ATP8A1: variants seen among roughly 807,000 people sequenced by gnomAD.
The protein encoded by ATP8A1 is phospholipid-transporting ATPase IA.
ATP8A1 carries 90 observed loss-of-function variants against 177.7 expected under a neutral mutation model. That is an observed-to-expected ratio of 0.51 (90% CI 0.43 to 0.60). The LOEUF is 0.60. ATP8A1 is among the 20% of genes least tolerant of loss of function. The pLI is 0.00. For synonymous variants in ATP8A1, 493 were observed against 485.9 expected, an observed-to-expected ratio of 1.01 and a Z score of -0.19; for missense variants, 1,072 against 1,392.8, an observed-to-expected ratio of 0.77 and a Z score of 3.67.
At chr4:42,539,589 T>G (rs1168901972) in intron 20 of ATP8A1, among the ~76,000 whole-genome samples, 1 of 152,080 alleles carries the variant, frequency 6.6e-6, no homozygotes, top group African/African-American at 2.4e-5. Flanking sequence ...AACATGGTAT[T>G]GGTACAAAAA....
rs368024896 is a variant in ATP8A1 at position 42,566,206 on chromosome 4, G to A, written c.1340+2955C>T. ...TATGTAATCTACATATATCTAAGAG[G>A]TAATTATGTTTTTTTAATTTGGCAT... On this transcript the variant is annotated intron_variant, in intron 15 of 36. Coordinates refer to ENST00000381668, the MANE Select transcript of ATP8A1 (RefSeq NM_006095.2). Among the ~76,000 whole-genome samples the A allele has an allele frequency of 5.1e-4, 77 of 152,242 alleles. 1 individual carries two copies. The South Asian group carries it at 0.011, about 21-fold the overall frequency.
chr4:42,654,111 C>T (rs1437567096), intron 1 of ATP8A1, among the ~76,000 whole-genome samples: 1 of 152,218 alleles, frequency 6.6e-6, no homozygotes, highest in Admixed American at 6.5e-5. Flanking sequence ...TCAGGTGATT[C>T]CTATGAACCT....
At chr4:42,507,962 A>G (rs1724622402) in intron 22 of ATP8A1, among the ~76,000 whole-genome samples, 1 of 152,062 alleles carries the variant, frequency 6.6e-6, no homozygotes, top group Admixed American at 6.6e-5. Flanking sequence ...GAAAAGAACA[A>G]CAAAGTGATA....
chr4:42,493,919 G>A (rs1214258334), intron 24 of ATP8A1, among the ~76,000 whole-genome samples: 2 of 151,246 alleles, frequency 1.3e-5, no homozygotes, highest in Non-Finnish European at 2.9e-5. Flanking sequence ...AACACGAAAC[G>A]CGCCAGGTCC....
chr4:42,502,570 G>C (rs1191443705), intron 24 of ATP8A1, among the ~76,000 whole-genome samples: 1 of 152,168 alleles, frequency 6.6e-6, no homozygotes, highest in East Asian at 1.9e-4. Flanking sequence ...GGCTTGCCCT[G>C]CTTTTGCTTC....
intron 15 of ATP8A1, among the ~76,000 whole-genome samples, chr4:42,565,458 A>G (rs1463866814): frequency 2.0e-5 from 3 of 152,214 alleles, no homozygotes; most frequent in Non-Finnish European, 4.4e-5. Context: ...GAAAATAAAT[A>G]AGACCAGAGG....
At chr4:42,614,844 C>A (rs1157667015) in intron 5 of ATP8A1, among the ~76,000 whole-genome samples, 6 of 152,188 alleles carry the variant, frequency 3.9e-5, no homozygotes, top group Admixed American at 3.9e-4. Context: ...TCAACCCACA[C>A]ATAAAAATAT....
intron 6 of ATP8A1, among the ~76,000 whole-genome samples, chr4:42,592,723 T>C (rs895987335): frequency 6.6e-6 from 1 of 152,086 alleles, no homozygotes; most frequent in African/African-American, 2.4e-5. Context: ...GTATAGTCTA[T>C]AGGCCATATG....
chr4:42,574,935 T>C (rs542737581), intron 13 of ATP8A1, among the ~76,000 whole-genome samples: 3 of 152,320 alleles, frequency 2.0e-5, no homozygotes, highest in African/African-American at 4.8e-5. Context: ...TAGAAAACTA[T>C]ATAGACATAT....
At chr4:42,616,880 C>T (rs1389639853) in intron 4 of ATP8A1, among the ~76,000 whole-genome samples, 6 of 152,172 alleles carry the variant, frequency 3.9e-5, no homozygotes, top group Admixed American at 1.3e-4. Flanking sequence ...CTCTCCGGTT[C>T]ACCTAGAGGT....
intron 6 of ATP8A1, among the ~76,000 whole-genome samples, chr4:42,599,985 T>A (rs1735082612): frequency 6.6e-6 from 1 of 152,234 alleles, no homozygotes; most frequent in Non-Finnish European, 1.5e-5. Flanking sequence ...TTAGAGGTCC[T>A]ATAAACAAAT....
chr4:42,649,907 G>C (rs749426827), intron 1 of ATP8A1, among the ~76,000 whole-genome samples: 4 of 152,112 alleles, frequency 2.6e-5, no homozygotes, highest in Non-Finnish European at 5.9e-5. Flanking sequence ...TATATCAGTG[G>C]ACAAACCAGA....
chr4:42,608,758 C>T (rs1195222820), intron 5 of ATP8A1, among the ~76,000 whole-genome samples: 1 of 152,192 alleles, frequency 6.6e-6, no homozygotes, highest in African/African-American at 2.4e-5. Context: ...ATGTAGTGTG[C>T]TCCAATTCCT....
intron 33 of ATP8A1, among the ~76,000 whole-genome samples, chr4:42,425,583 CCA>C (rs1301628523): frequency 6.6e-6 from 1 of 152,020 alleles, no homozygotes; most frequent in Non-Finnish European, 1.5e-5. Context: ...AAATAAAATC[CCA>C]CAGAGGTATT....
In ATP8A1 at chr4:42,656,854, G is replaced by A; in HGVS notation, c.20C>T (p.Thr7Ile). 6.3e-7 allele frequency: 1 copy of A among 1,586,456 alleles called. No homozygotes were observed. Among genetic ancestry groups the A allele is most frequent in the African/African-American group, 1.4e-5 (1 of 73,684 alleles). The part of the protein sequence containing the change: MPTMRR[T>I]VSEIRSRAEG... ...GGCGCGCGAGCGGATCTCCGACACG[G>A]TCCTCCGCATGGTGGGCATCGCGGC... is the stretch of plus-strand genomic sequence containing the variant. Residue 7 changes from threonine (T) to isoleucine (I), a missense_variant, in exon 1 of 37, where the codon ACC becomes ATC. Physicochemically the swap from Thr to Ile is moderately conservative, Grantham distance 89. Transcript: ENST00000381668.
intron 35 of ATP8A1, among the ~76,000 whole-genome samples, chr4:42,420,528 A>G (rs535568958): frequency 1.2e-3 from 183 of 152,282 alleles, no homozygotes; most frequent in African/African-American, 4.3e-3. Context: ...AGCTACATAT[A>G]TTACGGAATC....
intron 25 of ATP8A1, among the ~76,000 whole-genome samples, chr4:42,478,167 C>CA (rs1721280364): frequency 6.6e-6 from 1 of 152,004 alleles, no homozygotes; most frequent in South Asian, 2.1e-4. Flanking sequence ...CCAGCCTGGG[C>CA]AACATGATAA....
chr4:42,445,157 C>A (rs925228051), intron 31 of ATP8A1, among the ~76,000 whole-genome samples: 3 of 152,196 alleles, frequency 2.0e-5, no homozygotes, highest in Non-Finnish European at 4.4e-5. Flanking sequence ...ATGATATATG[C>A]ACCCATCGCT....
At chr4:42,529,929 GCATGA>G (rs144085520) in intron 20 of ATP8A1, among the ~76,000 whole-genome samples, 4,554 of 152,302 alleles carry the variant, frequency 0.03, 219 homozygotes, top group African/African-American at 0.1. Flanking sequence ...CTTGGAAGAA[GCATGA>G]CTGGAAAATT....
Sources: allele counts gnomAD v4.1 joint callset (sites outside exome capture counted in the v4.1 genomes callset), GRCh38; gene constraint gnomAD v4.1.1; transcripts MANE v1.5; gene names NCBI Gene and HGNC (gene_info 2026-07-23, HGNC 2026-07-21).